Variants in NLN observed in about 807,000 individuals in gnomAD.
NLN encodes neurolysin.
In NLN, 64 loss-of-function variants were observed where a neutral mutation model predicts 79.9. That is an observed-to-expected ratio of 0.80 (90% CI 0.65 to 0.99). NLN has a LOEUF of 0.99. NLN is among the 50% of genes least tolerant of loss of function. The pLI, the probability that NLN is intolerant of heterozygous loss-of-function variation, is 0.00. For synonymous variants in NLN, 267 were observed against 296.6 expected (o/e 0.90, Z 1.02); for missense variants, 835 against 858.7 (o/e 0.97, Z 0.34).
At chr5:65,785,657 G>A in intron 6 of NLN, 118 bp from the exon 7 acceptor site, 7 of 664,920 alleles carry the variant, frequency 1.1e-5, no homozygotes, top group Non-Finnish European at 1.6e-5. Flanking sequence ...AAATTTAAAT[G>A]GTCTAAAAAT....
At chr5:65,762,108 T>C (rs2150747832) in intron 2 of NLN, among the ~76,000 whole-genome samples, 1 of 152,312 alleles carries the variant, frequency 6.6e-6, no homozygotes, top group Admixed American at 6.5e-5. Context: ...CCACCTTTAA[T>C]ATGTGAAGAT....
chr5:65,752,738 A>T (rs2150743195), intron 1 of NLN, among the ~76,000 whole-genome samples: 1 of 152,380 alleles, frequency 6.6e-6, no homozygotes, highest in Admixed American at 6.5e-5. Flanking sequence ...AAAAGCAGAG[A>T]TAATGCAGAA....
At position 65,826,536 on chromosome 5, in the gene NLN, A is replaced by G. The variant is rs1041007261; in HGVS notation, c.*3621A>G. 6.6e-6 allele frequency: 1 copy of G among 152,386 alleles called. No homozygotes were observed. The highest frequency in any genetic ancestry group is 6.5e-5 in the Admixed American group (1 of 15,306). 9.4% of individuals were successfully genotyped at this position (152,386 alleles called of 1,614,324 possible). On this transcript the variant is annotated 3_prime_UTR_variant, in exon 13 of 13. Coordinates refer to ENST00000380985, the MANE Select transcript of NLN (RefSeq NM_020726.5). ...TCCCTCAAATCAACACATTACAGTTAGATGTCTCCCATCTGAAATTGGATA... is the reference window on the plus strand; with the variant it reads ...TCCCTCAAATCAACACATTACAGTTGGATGTCTCCCATCTGAAATTGGATA...
intron 8 of NLN, among the ~76,000 whole-genome samples, chr5:65,790,312 C>T (rs1264567726): frequency 6.6e-6 from 1 of 152,128 alleles, no homozygotes; most frequent in Admixed American, 6.5e-5. Flanking sequence ...TGTCTTTTAG[C>T]ACCTAAGTGA....
intron 1 of NLN, among the ~76,000 whole-genome samples, chr5:65,738,951 T>TTA (rs1477671409): frequency 3.6e-5 from 3 of 82,488 alleles, no homozygotes; most frequent in African/African-American, 9.2e-5. Context: ...TTATATATGT[T>TTA]TATATATATG....
At chr5:65,807,510 G>A (rs1760442521) in intron 9 of NLN, among the ~76,000 whole-genome samples, 1 of 150,648 alleles carries the variant, frequency 6.6e-6, no homozygotes, top group African/African-American at 2.4e-5. Context: ...GTGCTATCTT[G>A]GCTCACTGCA....
At chr5:65,751,424 A>G (rs573274769) in intron 1 of NLN, among the ~76,000 whole-genome samples, 1 of 152,238 alleles carries the variant, frequency 6.6e-6, no homozygotes, top group Non-Finnish European at 1.5e-5. Context: ...TATAATGAAC[A>G]TCTGTCTGCT....
At chr5:65,770,492 T>G (rs1238697252) in intron 3 of NLN, among the ~76,000 whole-genome samples, 1 of 152,184 alleles carries the variant, frequency 6.6e-6, no homozygotes, top group Non-Finnish European at 1.5e-5. Flanking sequence ...ACTCACAAGA[T>G]TGGCAAAGAT....
intron 1 of NLN, among the ~76,000 whole-genome samples, chr5:65,729,880 A>T (rs1191484415): frequency 1.3e-5 from 2 of 152,230 alleles, no homozygotes; most frequent in Non-Finnish European, 2.9e-5. Flanking sequence ...AAGCTGCCGC[A>T]TTGCAAAGTG....
At chr5:65,737,112 C>T (rs184328049) in intron 1 of NLN, among the ~76,000 whole-genome samples, 3 of 151,896 alleles carry the variant, frequency 2.0e-5, no homozygotes, top group African/African-American at 7.3e-5. Context: ...CCAGCCTATG[C>T]GACAGAGGGA....
At chr5:65,798,530 G>A (rs1362132872) in intron 9 of NLN, among the ~76,000 whole-genome samples, 1 of 152,152 alleles carries the variant, frequency 6.6e-6, no homozygotes, top group South Asian at 2.1e-4. Context: ...TGACTGTTGA[G>A]GTTTCAGTCC....
chr5:65,797,556 T>C (rs748734138), intron 9 of NLN, among the ~76,000 whole-genome samples: 1 of 152,204 alleles, frequency 6.6e-6, no homozygotes, highest in Non-Finnish European at 1.5e-5. Flanking sequence ...GGGACAGTTA[T>C]TTAAACTCTT....
chr5:65,761,581 C>A (rs1579930221), intron 2 of NLN, among the ~76,000 whole-genome samples: 1 of 152,052 alleles, frequency 6.6e-6, no homozygotes, highest in African/African-American at 2.4e-5. Flanking sequence ...CTTGAGCCAC[C>A]GTTTTATAGC....
chr5:65,809,428 T>G, intron 9 of NLN, 87 bp from the exon 10 acceptor site: 1 of 1,145,898 alleles, frequency 8.7e-7, no homozygotes, highest in Middle Eastern at 2.3e-4. Flanking sequence ...TGATTCTGCC[T>G]TAAGTTTTCG....
At chr5:65,765,288 C>A (rs1429050605) in intron 3 of NLN, among the ~76,000 whole-genome samples, 2 of 152,144 alleles carry the variant, frequency 1.3e-5, no homozygotes, top group South Asian at 2.1e-4. Context: ...GAGGCCAAGG[C>A]GGGTGGATCA....
At chr5:65,752,508 C>T (rs868333720) in intron 1 of NLN, among the ~76,000 whole-genome samples, 1 of 152,148 alleles carries the variant, frequency 6.6e-6, no homozygotes, top group Non-Finnish European at 1.5e-5. Context: ...TGCAAAAAGT[C>T]AGAGAAAAAT....
In NLN at chr5:65,768,922, A is replaced by G. The variant is rs1382706785; in HGVS notation, c.450+5814A>G. Among the ~76,000 whole-genome samples the G allele has an allele frequency of 5.3e-5, 8 of 152,340 alleles. No individual in the cohort carries two copies. In the East Asian group the frequency reaches 1.2e-3, roughly 22 times the overall value. On this transcript the variant is annotated intron_variant, in intron 3 of 12. Coordinates refer to ENST00000380985, the MANE Select transcript of NLN (RefSeq NM_020726.5). Reference sequence around the variant, plus strand: ...ATTTACAAATACAGCCACATTGGGGATAGGGCTTCTACAAAAGAACTTGAA... The same window carrying G: ...ATTTACAAATACAGCCACATTGGGGGTAGGGCTTCTACAAAAGAACTTGAA...
In NLN at chr5:65,739,012, T is replaced by TAAAATA. The variant is rs1473631456; in HGVS notation, c.41+16598_41+16599insAAAATA. On this transcript the variant is annotated intron_variant, in intron 1 of 12. Transcript: ENST00000380985. ...TTTATATATATTTTATAATATATAT[T>TAAAATA]TATATATATAAATATATAATATATA... Among the ~76,000 whole-genome samples, 563 of 115,490 alleles carry TAAAATA rather than the reference T, an allele frequency of 4.9e-3. 210 individuals carry two copies. The highest frequency in any genetic ancestry group is 5.7e-3 in the Non-Finnish European group (313 of 55,042). The allele number at this position is 115,490 out of a possible 152,430, so 75.8% of individuals were successfully genotyped here. A position where few individuals can be genotyped will look rare whatever the true frequency, so the allele number is the denominator to read the frequency against.
chr5:65,777,309 T>C (rs1371238662), intron 3 of NLN, 118 bp from the exon 4 acceptor site: 16 of 707,958 alleles, frequency 2.3e-5, no homozygotes, highest in Non-Finnish European at 4.0e-5. Flanking sequence ...TGCCTCGTAA[T>C]CACCTATGTG....
Sources: allele counts gnomAD v4.1 joint callset (sites outside exome capture counted in the v4.1 genomes callset), GRCh38; gene constraint gnomAD v4.1.1; transcripts MANE v1.5; gene names NCBI Gene and HGNC (gene_info 2026-07-23, HGNC 2026-07-21).